Variants in AGMO observed in about 807,000 individuals in gnomAD.
The protein encoded by AGMO is alkylglycerol monooxygenase, also known as glyceryl-ether monooxygenase.
AGMO carries 75 observed loss-of-function variants against 60.2 expected under a neutral mutation model. That is an observed-to-expected ratio of 1.25 (90% CI 1.03 to 1.51). The LOEUF (loss-of-function observed/expected upper bound fraction) is 1.51, where lower values mean the gene tolerates loss of function less well. AGMO is among the 40% of genes most tolerant of loss of function. The pLI, the probability that AGMO is intolerant of heterozygous loss-of-function variation, is 0.00. For synonymous variants in AGMO, 261 were observed against 177.1 expected (o/e 1.47, Z -3.76); for missense variants, 763 against 525.5 (o/e 1.45, Z -4.42).
chr7:15,492,893 CCTACAT>C (rs1783106121), intron 3 of AGMO, among the ~76,000 whole-genome samples: 1 of 152,136 alleles, frequency 6.6e-6, no homozygotes, highest in African/African-American at 2.4e-5. Context: ...TCTGTCTTCT[CCTACAT>C]CTTCAAGGAA....
At chr7:15,392,660 G>C (rs1320966243) in intron 6 of AGMO, among the ~76,000 whole-genome samples, 1 of 151,946 alleles carries the variant, frequency 6.6e-6, no homozygotes, top group Non-Finnish European at 1.5e-5. Flanking sequence ...TTAACCACAC[G>C]TGGTGGCTGG....
chr7:15,130,504 C>T, the AGMO span, among the ~76,000 whole-genome samples: 7 of 152,042 alleles, frequency 4.6e-5, no homozygotes, highest in Non-Finnish European at 8.8e-5. Flanking sequence ...TTGTTTAAAA[C>T]ATTGTTCTAT....
intron 2 of AGMO, among the ~76,000 whole-genome samples, chr7:15,552,540 C>T (rs1285452386): frequency 1.3e-5 from 2 of 149,184 alleles, no homozygotes; most frequent in South Asian, 2.2e-4. Context: ...CAAAAGAAGA[C>T]ATTTATGCAG....
At chr7:15,196,219 T>A (rs1781112350), downstream of AGMO, among the ~76,000 whole-genome samples, 1 of 148,570 alleles carries the variant, frequency 6.7e-6, no homozygotes. Flanking sequence ...TTTTTATACT[T>A]TTTTTTTTTA....
chr7:15,554,469 C>G (rs1314670884), intron 2 of AGMO, among the ~76,000 whole-genome samples: 1 of 151,948 alleles, frequency 6.6e-6, no homozygotes, highest in Non-Finnish European at 1.5e-5. Flanking sequence ...TAATTAGCAA[C>G]CTGCATATAG....
Position 15,365,569 on chromosome 7 carries a change from A to G in AGMO, c.1208T>C (p.Leu403Pro), listed in dbSNP as rs748452699. 4.3e-6 allele frequency: 7 copies of G among 1,612,946 alleles called. No individual in the cohort carries two copies. The South Asian group carries it at 6.6e-5, about 15-fold the overall frequency. The stretch of plus-strand genomic sequence containing the variant: ...AGGCTTCAGGTGACCAAATCGGTAC[A>G]GCATTAAGAACATCAAGCAACGGAG... Reference protein sequence around the residue: ...ETLRCLMFLMLYRFGHLKPLV... With the variant: ...ETLRCLMFLMPYRFGHLKPLV... The change falls in exon 12 of 13, where the codon CTG (leucine) becomes CCG (proline). Residue 403 changes from leucine to proline, a missense_variant. Transcript: ENST00000342526.
In AGMO at chr7:15,201,349, G is replaced by GA. The variant is rs1015561522; in HGVS notation, c.1273dup (p.Ser425PhefsTer10). On this transcript the variant is annotated frameshift_variant, in exon 13 of 13. Coordinates refer to ENST00000342526, the MANE Select transcript of AGMO (RefSeq NM_001004320.2). LOFTEE classifies it high-confidence loss of function. ...AACTCCCCAGAAAGCAATGCAAATG[G>GA]AAAAAACAATCTGAAGAAATAAAAC... 3.1e-6 allele frequency: 5 copies of GA among 1,608,702 alleles called. No individual in the cohort carries two copies. The Admixed American group carries it at 5.0e-5, about 16-fold the overall frequency.
At chr7:15,300,696 T>G (rs1393473729) in intron 12 of AGMO, among the ~76,000 whole-genome samples, 1 of 152,172 alleles carries the variant, frequency 6.6e-6, no homozygotes, top group African/African-American at 2.4e-5. Flanking sequence ...AGAAGCTATT[T>G]TTCTACCGCT....
Position 15,448,034 on chromosome 7 carries a change from C to G in AGMO, c.410-16926G>C, listed in dbSNP as rs552799853. Reference sequence around the variant, plus strand: ...TTCGGGTTACAAATGTCAAAACCACCAAACCCAGTGAAAACAATGCAGTGT... The same window carrying G: ...TTCGGGTTACAAATGTCAAAACCACGAAACCCAGTGAAAACAATGCAGTGT... On this transcript the variant is annotated intron_variant, in intron 3 of 12. Transcript: ENST00000342526. Among the ~76,000 whole-genome samples the G allele has an allele frequency of 1.6e-3, 239 of 152,252 alleles. 1 individual carries two copies. The Middle Eastern group carries it at 0.017, about 11-fold the overall frequency.
In AGMO at chr7:15,385,494, CTG is replaced by C; in HGVS notation, c.1024_1025del (p.Gln342ValfsTer9). ...CATAAAATGCCAACATCAGAGCAAA[CTG>C]TACAACTGTATATATCTTTAATAGC... The part of the protein sequence containing the change: ...SQLLKIYTVV[Q>X]FALMLAFYEE... On this transcript the variant is annotated frameshift_variant, in exon 10 of 13. Transcript: ENST00000342526. LOFTEE classifies it high-confidence loss of function. 1 of 1,613,176 alleles carries C rather than the reference CTG, an allele frequency of 6.2e-7. No individual in the cohort carries two copies. The highest frequency in any genetic ancestry group is 8.5e-7 in the Non-Finnish European group (1 of 1,179,434).
In AGMO at chr7:15,385,488, A is replaced by T; in HGVS notation, c.1032T>A (p.Ala344=). ...TCTCTTCATAAAATGCCAACATCAG[A>T]GCAAACTGTACAACTGTATATATCT... ...LLKIYTVVQF[A]LMLAFYEETF... is the part of the protein sequence containing the mutation. Residue 344 remains alanine, a synonymous_variant, in exon 10 of 13, where the codon GCT becomes GCA. Transcript: ENST00000342526. The T allele has an allele frequency of 6.2e-7, 1 of 1,612,972 alleles. No individual in the cohort carries two copies. Among genetic ancestry groups the T allele is most frequent in the Non-Finnish European group, 8.5e-7 (1 of 1,179,188 alleles).
At position 15,549,521 on chromosome 7, in the gene AGMO, T is replaced by C. The variant is rs901675405; in HGVS notation, c.258-4598A>G. Among the ~76,000 whole-genome samples, 54 of 151,938 alleles carry C rather than the reference T, an allele frequency of 3.6e-4. 1 individual carries two copies. In the East Asian group the frequency reaches 8.6e-3, roughly 24 times the overall value. On this transcript the variant is annotated intron_variant, in intron 2 of 12. Coordinates refer to ENST00000342526, the MANE Select transcript of AGMO (RefSeq NM_001004320.2). The stretch of plus-strand genomic sequence containing the variant: ...AAAAAGGCAGGGGTTGCAATCCTAG[T>C]CTCTGATAGAACAGACTTTAAACCA...
At chr7:15,413,637 A>G (rs1407109308) in intron 5 of AGMO, among the ~76,000 whole-genome samples, 1 of 152,216 alleles carries the variant, frequency 6.6e-6, no homozygotes, top group Non-Finnish European at 1.5e-5. Flanking sequence ...TAGAAAAAAT[A>G]AAAGTTTAAA....
At chr7:15,361,546 A>AAAAAG (rs1554261760) in intron 12 of AGMO, among the ~76,000 whole-genome samples, 3 of 91,408 alleles carry the variant, frequency 3.3e-5, no homozygotes, top group African/African-American at 1.3e-4. Context: ...TCTCAAAAAA[A>AAAAAG]AAAAAAAAGG....
At chr7:15,476,379 T>C (rs948571727) in intron 3 of AGMO, among the ~76,000 whole-genome samples, 1 of 152,132 alleles carries the variant, frequency 6.6e-6, no homozygotes, top group African/African-American at 2.4e-5. Flanking sequence ...ATTCAGTCTT[T>C]GAAGATATTC....
At chr7:15,477,952 GC>G (rs1213640009) in intron 3 of AGMO, among the ~76,000 whole-genome samples, 5 of 152,124 alleles carry the variant, frequency 3.3e-5, no homozygotes, top group African/African-American at 1.2e-4. Context: ...CACATGGAAA[GC>G]AACACTTTTC....
chr7:15,388,645 A>G (rs1485723931), intron 8 of AGMO, among the ~76,000 whole-genome samples: 3 of 152,206 alleles, frequency 2.0e-5, no homozygotes, highest in Non-Finnish European at 4.4e-5. Context: ...GGCAAGGTCA[A>G]TGATTTACGC....
At chr7:15,365,905 G>A (rs1315619749) in intron 11 of AGMO, among the ~76,000 whole-genome samples, 1 of 149,310 alleles carries the variant, frequency 6.7e-6, no homozygotes, top group East Asian at 1.9e-4. Flanking sequence ...AGGGTTTAAA[G>A]TAAGTGAGAC....
chr7:15,338,124 T>C (rs1408392270), intron 12 of AGMO, among the ~76,000 whole-genome samples: 2 of 152,216 alleles, frequency 1.3e-5, no homozygotes, highest in African/African-American at 2.4e-5. Flanking sequence ...TGAATATGTA[T>C]ATTTTATGTT....
Sources: gnomAD v4.1 joint callset for allele counts (sites outside exome capture counted in the v4.1 genomes callset) on GRCh38, gnomAD v4.1.1 for gene constraint, MANE v1.5 for transcripts, NCBI Gene and HGNC (gene_info 2026-07-23, HGNC 2026-07-21) for gene names.